Variants in TMEM232 observed in about 807,000 individuals in gnomAD.
The protein encoded by TMEM232 is transmembrane protein 232.
In TMEM232, 80 loss-of-function variants were observed where a neutral mutation model predicts 78.8. That is an observed-to-expected ratio of 1.01 (90% confidence interval 0.85 to 1.22). The LOEUF is 1.22. Ranked by LOEUF, TMEM232 falls within the 50% of genes most tolerant of loss-of-function variation. TMEM232 has a pLI of 0.00. For missense variants in TMEM232, 881 were observed against 742.2 expected, an observed-to-expected ratio of 1.19 and a Z score of -2.17; for synonymous variants, 297 against 254.3, an observed-to-expected ratio of 1.17 and a Z score of -1.60.
chr5:110,729,762 G>C (rs1281374795), upstream of TMEM232, among the ~76,000 whole-genome samples: 1 of 152,102 alleles, frequency 6.6e-6, no homozygotes, highest in Non-Finnish European at 1.5e-5. Context: ...CTCTAGAACA[G>C]CATTTTTTTT....
intron 12 of TMEM232, among the ~76,000 whole-genome samples, chr5:110,523,774 T>A (rs1333192548): frequency 6.6e-6 from 1 of 151,710 alleles, no homozygotes; most frequent in Non-Finnish European, 1.5e-5. Context: ...GCAATATAAG[T>A]AGGCCCTGTC....
chr5:110,444,441 G>C (rs1347449726), intron 12 of TMEM232, among the ~76,000 whole-genome samples: 3 of 152,120 alleles, frequency 2.0e-5, no homozygotes, highest in African/African-American at 7.2e-5. Context: ...CAGCTGGGGG[G>C]TTGGGAAGGG....
At chr5:110,728,852 C>CTTT (rs36095992), upstream of TMEM232, among the ~76,000 whole-genome samples, 72 of 140,612 alleles carry the variant, frequency 5.1e-4, no homozygotes, top group East Asian at 0.012. Context: ...TTTTTTTCTG[C>CTTT]TTTTTTTTTT....
At chr5:110,436,189 T>C (rs1361111719) in intron 12 of TMEM232, among the ~76,000 whole-genome samples, 1 of 152,036 alleles carries the variant, frequency 6.6e-6, no homozygotes, top group Non-Finnish European at 1.5e-5. Flanking sequence ...AGTTTTGATT[T>C]GCATTTCTCG....
In TMEM232 at chr5:110,413,686, G is replaced by A. The variant is rs569212344; in HGVS notation, n.308+11137C>T. 4.6e-5 allele frequency among the ~76,000 whole-genome samples: 7 copies of A among 152,162 alleles called. No individual in the cohort carries two copies. In the South Asian group the frequency reaches 1.5e-3, roughly 32 times the overall value. The stretch of plus-strand genomic sequence containing the variant: ...TCTAAACTCACTCCCATTCCATCAG[G>A]ATATGTTGGGTTATGTGTAGTACTA... On this transcript the variant is annotated intron_variant and non_coding_transcript_variant, in intron 2 of 8. Coordinates refer to the TMEM232 transcript ENST00000507188.
At chr5:110,494,881 G>T (rs1765479126) in intron 12 of TMEM232, among the ~76,000 whole-genome samples, 1 of 151,366 alleles carries the variant, frequency 6.6e-6, no homozygotes, top group Non-Finnish European at 1.5e-5. Context: ...TTTATATAAA[G>T]CAATTATCAA....
chr5:110,487,177 C>T (rs933194727), intron 12 of TMEM232, among the ~76,000 whole-genome samples: 2 of 152,054 alleles, frequency 1.3e-5, no homozygotes, highest in Admixed American at 1.3e-4. Context: ...AGAAACTTTG[C>T]TGAATTCTTT....
At chr5:110,637,660 A>C (rs1438879337) in intron 5 of TMEM232, among the ~76,000 whole-genome samples, 1 of 151,956 alleles carries the variant, frequency 6.6e-6, no homozygotes, top group Non-Finnish European at 1.5e-5. Context: ...GTTAAACTAC[A>C]TTTGTTTGAC....
chr5:110,537,541 G>A (rs960160453), intron 11 of TMEM232, among the ~76,000 whole-genome samples: 1 of 152,042 alleles, frequency 6.6e-6, no homozygotes, highest in African/African-American at 2.4e-5. Context: ...TATTACAGAT[G>A]ACCTCCTTTT....
intron 2 of TMEM232, among the ~76,000 whole-genome samples, chr5:110,402,740 A>G (rs1269927613): frequency 6.6e-6 from 1 of 152,052 alleles, no homozygotes; most frequent in Non-Finnish European, 1.5e-5. Context: ...CCATTGACTC[A>G]AGACTCAAAG....
intron 1 of TMEM232, among the ~76,000 whole-genome samples, chr5:110,701,594 T>C (rs1795444223): frequency 6.6e-6 from 1 of 152,092 alleles, no homozygotes; most frequent in African/African-American, 2.4e-5. Context: ...AATATTTTAC[T>C]GTAATTAATT....
chr5:110,401,051 GA>G (rs1171264787), intron 2 of TMEM232, among the ~76,000 whole-genome samples: 1 of 152,040 alleles, frequency 6.6e-6, no homozygotes, highest in Non-Finnish European at 1.5e-5. Context: ...CATCACAGCA[GA>G]AAAATATCCA....
chr5:110,641,969 T>G (rs939850989), intron 3 of TMEM232, among the ~76,000 whole-genome samples: 5 of 152,262 alleles, frequency 3.3e-5, no homozygotes, highest in Admixed American at 3.3e-4. Flanking sequence ...ACAGCATATC[T>G]CAATTAACTT....
intron 11 of TMEM232, among the ~76,000 whole-genome samples, chr5:110,544,984 G>C (rs1158561746): frequency 1.3e-5 from 2 of 151,412 alleles, no homozygotes; most frequent in Admixed American, 6.6e-5. Flanking sequence ...CTAGTTACGT[G>C]ATCTTCCACA....
At chr5:110,502,623 T>C (rs1360504001) in intron 12 of TMEM232, among the ~76,000 whole-genome samples, 1 of 152,192 alleles carries the variant, frequency 6.6e-6, no homozygotes, top group African/African-American at 2.4e-5. Context: ...ACTCCTCATT[T>C]GGATGTATGA....
At position 110,490,173 on chromosome 5, in the gene TMEM232, G is replaced by GAAAGAAAGAAAT. The variant is rs1554089435; in HGVS notation, c.1703+38414_1703+38415insATTTCTTTCTTT. Among the ~76,000 whole-genome samples the GAAAGAAAGAAAT allele has an allele frequency of 1.8e-3, 227 of 126,452 alleles. 1 individual carries two copies. Among genetic ancestry groups the GAAAGAAAGAAAT allele is most frequent in the African/African-American group, 8.5e-3 (225 of 26,442 alleles). 83.0% of individuals were successfully genotyped at this position (126,452 alleles called of 152,430 possible). ...AGAAAGAAAGAAAGAAAGAAAGAAA[G>GAAAGAAAGAAAT]AAAGAAAGAAAGAAAGAAAAAGTTA... On this transcript the variant is annotated intron_variant, in intron 12 of 13. Coordinates refer to ENST00000455884, the MANE Select transcript of TMEM232 (RefSeq NM_001039763.4).
At chr5:110,474,700 A>C (rs67955287) in intron 12 of TMEM232, among the ~76,000 whole-genome samples, 4,804 of 152,100 alleles carry the variant, frequency 0.032, 110 homozygotes, top group Non-Finnish European at 0.045. Context: ...ATGCATATTT[A>C]ATAAGTTGCT....
intron 12 of TMEM232, among the ~76,000 whole-genome samples, chr5:110,526,929 G>A (rs899610806): frequency 2.0e-5 from 3 of 151,684 alleles, no homozygotes; most frequent in Non-Finnish European, 3.0e-5. Flanking sequence ...TCTGAAATGA[G>A]GCTAAATGAC....
chr5:110,571,895 C>T (rs961238164), intron 10 of TMEM232, among the ~76,000 whole-genome samples: 11 of 151,788 alleles, frequency 7.2e-5, no homozygotes, highest in South Asian at 2.1e-4. Context: ...AAGGGAGTAA[C>T]GTTATGTCTG....
Sources: gnomAD v4.1 joint callset for allele counts (sites outside exome capture counted in the v4.1 genomes callset) on GRCh38, gnomAD v4.1.1 for gene constraint, MANE v1.5 for transcripts, NCBI Gene and HGNC (gene_info 2026-07-23, HGNC 2026-07-21) for gene names.